SH3GLB1: variants seen among roughly 807,000 people sequenced by gnomAD.
The protein encoded by SH3GLB1 is SH3 domain containing GRB2 like, endophilin B1.
SH3GLB1 carries 17 observed loss-of-function variants against 42.0 expected under a neutral mutation model. That is an observed-to-expected ratio of 0.40 (90% CI 0.28 to 0.61). SH3GLB1 has a LOEUF of 0.61. Among genes scored for constraint, SH3GLB1 ranks in the 20% least tolerant of loss-of-function variants. The pLI is 0.36. For missense variants in SH3GLB1, 355 were observed against 426.3 expected, an observed-to-expected ratio of 0.83 and a Z score of 1.47; for synonymous variants, 132 against 146.6, an observed-to-expected ratio of 0.90 and a Z score of 0.72.
At chr1:86,738,015 C>G (rs1342757175) in intron 7 of SH3GLB1, among the ~76,000 whole-genome samples, 3 of 152,134 alleles carry the variant, frequency 2.0e-5, no homozygotes, top group Admixed American at 2.0e-4. Context: ...GATGAGGCGC[C>G]TTTGGAAATT....
At chr1:86,738,305 G>T (rs1655882173) in intron 7 of SH3GLB1, among the ~76,000 whole-genome samples, 1 of 151,984 alleles carries the variant, frequency 6.6e-6, no homozygotes, top group African/African-American at 2.4e-5. Context: ...TTGCTCTGTT[G>T]CCCAGGCTGG....
Position 86,704,650 on chromosome 1 carries a change from C to T in SH3GLB1, c.-250C>T, listed in dbSNP as rs1389489825. ...CCGGCTCGCCCGCGGGGCCCATCGTCGACGTTAGCGGCCGTTCTCCGAGCC... is the reference window on the plus strand; with the variant it reads ...CCGGCTCGCCCGCGGGGCCCATCGTTGACGTTAGCGGCCGTTCTCCGAGCC... On this transcript the variant is annotated 5_prime_UTR_variant, in exon 1 of 9. Coordinates refer to ENST00000370558, the MANE Select transcript of SH3GLB1 (RefSeq NM_016009.5). 2.5e-5 allele frequency: 9 copies of T among 359,540 alleles called. No homozygotes were observed. The highest frequency in any genetic ancestry group is 5.2e-5 in the Admixed American group (1 of 19,302). The allele number at this position is 359,540 out of a possible 1,614,324, so 22.3% of individuals were successfully genotyped here.
intron 6 of SH3GLB1, 23 bp from the exon 7 acceptor site, chr1:86,735,056 C>A (rs1395874013): frequency 2.5e-6 from 4 of 1,578,102 alleles, no homozygotes; most frequent in Non-Finnish European, 3.5e-6. Flanking sequence ...CAGCTAAGAA[C>A]TAACTATAAT....
In SH3GLB1 at chr1:86,742,232, C is replaced by A. The variant is rs977731111; in HGVS notation, c.786C>A (p.Asn262Lys). 6.2e-7 allele frequency: 1 copy of A among 1,613,988 alleles called. No individual in the cohort carries two copies. Among genetic ancestry groups the A allele is most frequent in the Non-Finnish European group, 8.5e-7 (1 of 1,179,888 alleles). Residue 262 changes from asparagine to lysine, a missense_variant, in exon 8 of 9, where the codon AAC becomes AAA. By Grantham distance (94) the Asn-to-Lys change is moderately conservative. Coordinates refer to ENST00000370558, the MANE Select transcript of SH3GLB1 (RefSeq NM_016009.5). Reference protein sequence around the residue: ...LGSFPSNYLSNNNQTSVTPVP... With the variant: ...LGSFPSNYLSKNNQTSVTPVP... ...GTTTTCCATCCAATTATCTTAGTAA[C>A]AACAATCAGACTTCTGTGACACCTG...
At chr1:86,727,892 C>T (rs1461683731) in intron 5 of SH3GLB1, among the ~76,000 whole-genome samples, 1 of 151,956 alleles carries the variant, frequency 6.6e-6, no homozygotes, top group Non-Finnish European at 1.5e-5. Flanking sequence ...AAATTTAGAG[C>T]ACCATCAGTA....
intron 2 of SH3GLB1, among the ~76,000 whole-genome samples, chr1:86,717,641 C>G (rs943691996): frequency 6.6e-6 from 1 of 152,030 alleles, no homozygotes; most frequent in East Asian, 1.9e-4. Flanking sequence ...AGGCTGGTCT[C>G]GAACTCCCGA....
chr1:86,726,491 T>G (rs1248779678), intron 5 of SH3GLB1, among the ~76,000 whole-genome samples: 2 of 150,818 alleles, frequency 1.3e-5, no homozygotes, highest in African/African-American at 4.9e-5. Flanking sequence ...AGGATAAAGG[T>G]TTTTTTTCTA....
At chr1:86,712,064 C>CA (rs1212569756) in intron 1 of SH3GLB1, among the ~76,000 whole-genome samples, 1 of 151,860 alleles carries the variant, frequency 6.6e-6, no homozygotes, top group East Asian at 1.9e-4. Context: ...TTGCTTCCAC[C>CA]AATGATAAAA....
At chr1:86,714,126 A>T (rs1053995917) in intron 1 of SH3GLB1, among the ~76,000 whole-genome samples, 1 of 152,212 alleles carries the variant, frequency 6.6e-6, no homozygotes, top group African/African-American at 2.4e-5. Context: ...GGTGATGTTC[A>T]CCTGAGTGAA....
intron 1 of SH3GLB1, among the ~76,000 whole-genome samples, chr1:86,707,743 G>A (rs971970410): frequency 6.9e-6 from 1 of 144,816 alleles, no homozygotes; most frequent in African/African-American, 2.6e-5. Context: ...TCGCCTCCCC[G>A]ATTCAAGCCA....
In SH3GLB1 at chr1:86,724,892, AAT is replaced by A. The variant is rs58927851; in HGVS notation, c.570+507_570+508del. ...CTGTCTTTAAAAAAAAAAAAAAAAA[AAT>A]ATATATATATATATATATAAAATAT... On this transcript the variant is annotated intron_variant, in intron 5 of 8. Transcript: ENST00000370558. Among the ~76,000 whole-genome samples the A allele has an allele frequency of 8.2e-4, 82 of 99,676 alleles. 2 individuals are homozygous for A. Among genetic ancestry groups the A allele is most frequent in the East Asian group, 5.0e-3 (18 of 3,578 alleles). 65.4% of individuals were successfully genotyped at this position (99,676 alleles called of 152,430 possible). A position where few individuals can be genotyped will look rare whatever the true frequency, so the allele number is the denominator to read the frequency against.
rs547451993 is a variant in SH3GLB1 at position 86,704,737 on chromosome 1, C to A, written c.-163C>A. The A allele has an allele frequency of 4.0e-4, 194 of 488,042 alleles. No homozygotes were observed. Among genetic ancestry groups the A allele is most frequent in the Middle Eastern group, 2.1e-3 (4 of 1,878 alleles). 30.2% of individuals were successfully genotyped at this position (488,042 alleles called of 1,614,324 possible). On this transcript the variant is annotated 5_prime_UTR_variant, in exon 1 of 9. Transcript: ENST00000370558. ...TTCTCCTCCCTCGCCCCGCCTTCAT[C>A]CTCCCCGTTCACGGAAACGACAGCT...
At chr1:86,724,198 A>C (rs1293063349) in intron 4 of SH3GLB1, 115 bp from the exon 5 acceptor site, 1 of 672,980 alleles carries the variant, frequency 1.5e-6, no homozygotes, top group East Asian at 3.2e-5. Flanking sequence ...TTTTGTAGTC[A>C]TAGATCTTTA....
chr1:86,718,558 G>A (rs1654684609), intron 2 of SH3GLB1, among the ~76,000 whole-genome samples: 1 of 152,078 alleles, frequency 6.6e-6, no homozygotes, highest in African/African-American at 2.4e-5. Context: ...TCTGTTACTG[G>A]TTCAGCTCAT....
chr1:86,730,235 C>A, intron 5 of SH3GLB1: 1 of 1,410,120 alleles, frequency 7.1e-7, no homozygotes, highest in Non-Finnish European at 9.3e-7. Flanking sequence ...CTTATAAAAT[C>A]TGAAAATGAG....
At chr1:86,708,388 C>G (rs1435870009) in intron 1 of SH3GLB1, among the ~76,000 whole-genome samples, 1 of 152,142 alleles carries the variant, frequency 6.6e-6, no homozygotes, top group Non-Finnish European at 1.5e-5. Flanking sequence ...TCAAATTGTA[C>G]CGTAAGGAAT....
At chr1:86,707,537 T>A (rs1046466352) in intron 1 of SH3GLB1, among the ~76,000 whole-genome samples, 8 of 152,014 alleles carry the variant, frequency 5.3e-5, no homozygotes, top group African/African-American at 1.5e-4. Context: ...AAGGGAAAAA[T>A]TTTAGGAGAA....
At chr1:86,713,974 T>C (rs1378128985) in intron 1 of SH3GLB1, among the ~76,000 whole-genome samples, 2 of 152,204 alleles carry the variant, frequency 1.3e-5, no homozygotes, top group African/African-American at 4.8e-5. Context: ...CTAGCACATA[T>C]GTAGGTGCTT....
At chr1:86,715,158 A>G (rs181484936) in intron 1 of SH3GLB1, among the ~76,000 whole-genome samples, 5 of 152,328 alleles carry the variant, frequency 3.3e-5, no homozygotes, top group Non-Finnish European at 7.4e-5. Flanking sequence ...GACATAAACC[A>G]CAATAAACAT....
Sources: allele counts gnomAD v4.1 joint callset (sites outside exome capture counted in the v4.1 genomes callset), GRCh38; gene constraint gnomAD v4.1.1; transcripts MANE v1.5; gene names NCBI Gene and HGNC (gene_info 2026-07-23, HGNC 2026-07-21).